Variants in CCDC141 observed in about 807,000 individuals in gnomAD.
CCDC141 encodes the protein coiled-coil domain-containing protein 141.
In CCDC141, 168 loss-of-function variants were observed where a neutral mutation model predicts 181.0. That is an observed-to-expected ratio of 0.93 (90% CI 0.82 to 1.05). The LOEUF is 1.05. Ranked by LOEUF, CCDC141 falls within the 50% of genes least tolerant of loss-of-function variation. The pLI, the probability that CCDC141 is intolerant of heterozygous loss-of-function variation, is 0.00. For synonymous variants in CCDC141, 666 were observed against 642.3 expected (o/e 1.04, Z -0.56); for missense variants, 1,902 against 1,788.5 (o/e 1.06, Z -1.14).
At chr2:179,045,615 T>C (rs2043471608) in intron 2 of CCDC141, among the ~76,000 whole-genome samples, 1 of 151,716 alleles carries the variant, frequency 6.6e-6, no homozygotes. Flanking sequence ...TGAACTAGTT[T>C]ACAGTCCCAC....
chr2:178,992,433 C>T (rs550599867), intron 2 of CCDC141, among the ~76,000 whole-genome samples: 1 of 148,576 alleles, frequency 6.7e-6, no homozygotes, highest in South Asian at 2.1e-4. Context: ...AAGTTGTCTC[C>T]AATTATTCTT....
At chr2:178,827,920 G>A (rs1381431234), downstream of CCDC141, among the ~76,000 whole-genome samples, 1 of 152,178 alleles carries the variant, frequency 6.6e-6, no homozygotes, top group Non-Finnish European at 1.5e-5. Flanking sequence ...AAGGGCTTTA[G>A]GGAAATATAT....
intron 20 of CCDC141, 67 bp downstream of exon 20, chr2:178,853,374 T>C (rs1685246810): frequency 1.4e-6 from 2 of 1,425,866 alleles, no homozygotes; most frequent in Non-Finnish European, 1.9e-6. Context: ...TCTTGCTGTC[T>C]ACTGGATTAG....
chr2:178,964,292 C>T (rs769765907), intron 4 of CCDC141, among the ~76,000 whole-genome samples: 5 of 152,072 alleles, frequency 3.3e-5, no homozygotes, highest in African/African-American at 9.7e-5. Flanking sequence ...AGCCCACACA[C>T]GAGAAGTTTG....
chr2:178,936,467 G>A (rs1002965835), intron 6 of CCDC141, among the ~76,000 whole-genome samples: 7 of 151,986 alleles, frequency 4.6e-5, no homozygotes, highest in African/African-American at 9.7e-5. Flanking sequence ...GCTTGTTTTT[G>A]TACTAGTTCC....
intron 13 of CCDC141, among the ~76,000 whole-genome samples, chr2:178,871,870 CTTGT>C (rs1418020258): frequency 6.6e-6 from 1 of 152,170 alleles, no homozygotes; most frequent in East Asian, 1.9e-4. Context: ...ACCTCCAGAA[CTTGT>C]TTATCATCCC....
intron 2 of CCDC141, among the ~76,000 whole-genome samples, chr2:178,997,438 G>T (rs1449294868): frequency 2.0e-5 from 3 of 152,126 alleles, no homozygotes; most frequent in Non-Finnish European, 4.4e-5. Flanking sequence ...ACAAACACAA[G>T]TGAGGTACTA....
chr2:178,989,077 T>G (rs1038658525), intron 2 of CCDC141, among the ~76,000 whole-genome samples: 1 of 152,186 alleles, frequency 6.6e-6, no homozygotes, highest in Non-Finnish European at 1.5e-5. Flanking sequence ...TAAATTTTCA[T>G]CACCTTGAAT....
chr2:178,816,958 G>A, the CCDC141 span, among the ~76,000 whole-genome samples: 15 of 152,118 alleles, frequency 9.9e-5, no homozygotes, highest in Non-Finnish European at 2.9e-5. Flanking sequence ...AATAAGGAAT[G>A]AGAACTTTGG....
intron 6 of CCDC141, among the ~76,000 whole-genome samples, chr2:178,941,353 C>T (rs183847864): frequency 3.3e-4 from 51 of 152,272 alleles, no homozygotes; most frequent in Admixed American, 1.8e-3. Context: ...CCATATGATT[C>T]GGAGACTCCT....
At chr2:179,019,589 T>A (rs1014622340) in intron 2 of CCDC141, among the ~76,000 whole-genome samples, 1 of 152,132 alleles carries the variant, frequency 6.6e-6, no homozygotes, top group African/African-American at 2.4e-5. Flanking sequence ...TCTATCCCCT[T>A]TACTTCACAC....
chr2:178,973,751 C>T (rs1356258684), intron 4 of CCDC141, among the ~76,000 whole-genome samples: 1 of 152,182 alleles, frequency 6.6e-6, no homozygotes, highest in Non-Finnish European at 1.5e-5. Flanking sequence ...ATAATAGCAT[C>T]CATCATTGTC....
rs1026257980 is a variant in CCDC141 at position 179,049,739 on chromosome 2, T to G, written c.102+101A>C. 1.8e-5 allele frequency: 23 copies of G among 1,312,028 alleles called. No homozygotes were observed. In the African/African-American group the frequency reaches 3.2e-4, roughly 18 times the overall value. The allele number at this position is 1,312,028 out of a possible 1,614,324, so 81.3% of individuals were successfully genotyped here. On this transcript the variant is annotated intron_variant, in intron 1 of 23. Transcript: ENST00000443758. The stretch of plus-strand genomic sequence containing the variant: ...TAAGAGTGCTTGCTGCGTTGTCTTC[T>G]CTATGCTGTGTCCTGCCGATTGCAT...
chr2:179,021,858 T>C (rs1216850773), intron 2 of CCDC141, among the ~76,000 whole-genome samples: 1 of 152,186 alleles, frequency 6.6e-6, no homozygotes, highest in Non-Finnish European at 1.5e-5. Context: ...ATAATGTAAA[T>C]GGAACCAGAT....
chr2:178,923,096 A>ATTTTTTTTTTTTTTTTTTTTTT (rs757686549), intron 6 of CCDC141, among the ~76,000 whole-genome samples: 1 of 137,816 alleles, frequency 7.3e-6, no homozygotes. Context: ...CCACCAGTTT[A>ATTTTTTTTTTTTTTTTTTTTTT]TTTTTTTTTT....
At chr2:179,001,343 G>A (rs765931221) in intron 2 of CCDC141, among the ~76,000 whole-genome samples, 1 of 152,138 alleles carries the variant, frequency 6.6e-6, no homozygotes, top group Non-Finnish European at 1.5e-5. Context: ...AAGGAGTGTA[G>A]TCTTGGGAGT....
intron 2 of CCDC141, among the ~76,000 whole-genome samples, chr2:179,020,123 T>C (rs868383627): frequency 3.0e-4 from 46 of 152,194 alleles, no homozygotes; most frequent in African/African-American, 1.1e-3. Context: ...AAGACTGTTA[T>C]AACCGTCATG....
At chr2:178,827,512 G>C (rs142337553), downstream of CCDC141, among the ~76,000 whole-genome samples, 1 of 151,548 alleles carries the variant, frequency 6.6e-6, no homozygotes. Context: ...CCCCTCCCTC[G>C]ACCCCTGTTG....
chr2:178,913,721 T>C (rs1688319898), intron 7 of CCDC141, among the ~76,000 whole-genome samples: 1 of 152,252 alleles, frequency 6.6e-6, no homozygotes, highest in Admixed American at 6.5e-5. Flanking sequence ...CATTTCGAAC[T>C]ACTTTTTGTG....
Sources: gnomAD v4.1 joint callset for allele counts (sites outside exome capture counted in the v4.1 genomes callset) on GRCh38, gnomAD v4.1.1 for gene constraint, MANE v1.5 for transcripts, NCBI Gene and HGNC (gene_info 2026-07-23, HGNC 2026-07-21) for gene names.